ATP11B: variants seen among roughly 807,000 people sequenced by gnomAD.
The protein encoded by ATP11B is ATPase phospholipid transporting 11B (putative).
In ATP11B, 81 loss-of-function variants were observed where a neutral mutation model predicts 157.8. That is an observed-to-expected ratio of 0.51 (90% CI 0.43 to 0.62). The LOEUF (loss-of-function observed/expected upper bound fraction) is 0.62. Among genes scored for constraint, ATP11B ranks in the 20% least tolerant of loss-of-function variants. The probability of loss-of-function intolerance (pLI) is 0.00; values close to 1 mark genes in which losing one functional copy is unlikely to be tolerated. For synonymous variants in ATP11B, 451 were observed against 469.4 expected (o/e 0.96, Z 0.51); for missense variants, 1,165 against 1,402.2 (o/e 0.83, Z 2.70).
chr3:182,868,462 T>C (rs929100036), intron 15 of ATP11B, among the ~76,000 whole-genome samples: 5 of 151,780 alleles, frequency 3.3e-5, no homozygotes, highest in Admixed American at 6.6e-5. Flanking sequence ...AGATTTCATA[T>C]GTAAATCACT....
Position 182,841,958 on chromosome 3 carries a change from G to T in ATP11B, c.657-117G>T, listed in dbSNP as rs1036332943. ...CGCACCACTGCACTCCAGCCTAGGC[G>T]ACAGAGCAAGACTCGTCTCAAAAAA... On this transcript the variant is annotated intron_variant, in intron 7 of 29. Transcript: ENST00000323116. 4 of 580,618 alleles carry T rather than the reference G, an allele frequency of 6.9e-6. No individual in the cohort carries two copies. The African/African-American group carries it at 9.4e-5, about 14-fold the overall frequency. The allele number at this position is 580,618 out of a possible 1,614,324, so 36.0% of individuals were successfully genotyped here. A position where few individuals can be genotyped will look rare whatever the true frequency, so the allele number is the denominator to read the frequency against.
chr3:182,913,124 T>C (rs975905171), intron 28 of ATP11B, among the ~76,000 whole-genome samples: 5 of 152,184 alleles, frequency 3.3e-5, no homozygotes, highest in African/African-American at 1.2e-4. Flanking sequence ...CAGTTTCAAA[T>C]CTTGATAGTA....
chr3:182,884,718 A>G (rs1345243607), intron 21 of ATP11B, 35 bp from the exon 22 acceptor site: 1 of 1,559,738 alleles, frequency 6.4e-7, no homozygotes, highest in South Asian at 1.3e-5. Flanking sequence ...AATTACAGTT[A>G]TCAGTGAACA....
chr3:182,852,354 GA>G (rs369504851), intron 10 of ATP11B, among the ~76,000 whole-genome samples: 1 of 152,070 alleles, frequency 6.6e-6, no homozygotes, highest in Non-Finnish European at 1.5e-5. Flanking sequence ...TGGTATAAGA[GA>G]AAAAAACTAA....
At chr3:182,822,669 T>C (rs1212684188) in intron 2 of ATP11B, among the ~76,000 whole-genome samples, 1 of 152,238 alleles carries the variant, frequency 6.6e-6, no homozygotes, top group Non-Finnish European at 1.5e-5. Flanking sequence ...TATTTCTAGT[T>C]CTAGATGCTT....
rs1008010192 is a variant in ATP11B, at chr3:182,870,711, C to T, written c.1866+1380C>T. 1.3e-5 allele frequency among the ~76,000 whole-genome samples: 2 copies of T among 151,966 alleles called. 1 individual carries two copies. Among genetic ancestry groups the T allele is most frequent in the Non-Finnish European group, 2.9e-5 (2 of 67,988 alleles). On this transcript the variant is annotated intron_variant, in intron 17 of 29. Coordinates refer to ENST00000323116, the MANE Select transcript of ATP11B (RefSeq NM_014616.3). ...AAATAGGGCTGGGCGCGGTGGCTCA[C>T]ACCTGTAATCCCAGCACTTTGGGAG...
chr3:182,814,735 G>A (rs1342962512), intron 1 of ATP11B, among the ~76,000 whole-genome samples: 1 of 152,124 alleles, frequency 6.6e-6, no homozygotes, highest in African/African-American at 2.4e-5. Context: ...TTGAGCCTGG[G>A]AAGTCAAGAG....
intron 2 of ATP11B, 39 bp downstream of exon 2, chr3:182,820,415 G>A: frequency 6.7e-6 from 9 of 1,346,452 alleles, no homozygotes; most frequent in Non-Finnish European, 9.6e-6. Flanking sequence ...CAGGTGCAGT[G>A]GCTCATACCC....
At chr3:182,892,256 G>C (rs1042882803) in intron 25 of ATP11B, among the ~76,000 whole-genome samples, 1 of 152,136 alleles carries the variant, frequency 6.6e-6, no homozygotes, top group Non-Finnish European at 1.5e-5. Flanking sequence ...CGCCTTTCCT[G>C]TTGGTCCAGC....
chr3:182,897,361 T>C lies in ATP11B; in HGVS notation c.3107T>C (p.Ile1036Thr). The C allele has an allele frequency of 6.3e-7, 1 of 1,592,884 alleles. No individual in the cohort carries two copies. Among genetic ancestry groups the C allele is most frequent in the Non-Finnish European group, 8.5e-7 (1 of 1,173,822 alleles). Reference sequence around the variant, plus strand: ...AACCATCTCGTTACCTGGGGATCTATTATATTTTATTTTGTATTTTCCTTG... The same window carrying C: ...AACCATCTCGTTACCTGGGGATCTACTATATTTTATTTTGTATTTTCCTTG... ...WINHLVTWGS[I>T]IFYFVFSLFY... Residue 1036 changes from isoleucine to threonine, a missense_variant, in exon 27 of 30, where the codon ATT becomes ACT. Ile to Thr is a moderately conservative substitution (Grantham distance 89, BLOSUM62 -1). Transcript: ENST00000323116.
chr3:182,916,906 T>TA, intron 29 of ATP11B: 2 of 982,446 alleles, frequency 2.0e-6, no homozygotes, highest in Non-Finnish European at 2.4e-6. Flanking sequence ...TGTAAATACT[T>TA]ACTCTTTAAG....
In ATP11B at chr3:182,913,748, A is replaced by G. The variant is rs1724955902; in HGVS notation, c.3319-113A>G. 49 of 1,536,584 alleles carry G rather than the reference A, an allele frequency of 3.2e-5. No homozygotes were observed. In the South Asian group the frequency reaches 5.3e-4, roughly 17 times the overall value. Reference sequence around the variant, plus strand: ...TATGTTTCCCATATTATAGAAAAACATGTAGGTTTATATATGTTACCTTTG... The same window carrying G: ...TATGTTTCCCATATTATAGAAAAACGTGTAGGTTTATATATGTTACCTTTG... On this transcript the variant is annotated intron_variant, in intron 28 of 29. Transcript: ENST00000323116.
intron 10 of ATP11B, among the ~76,000 whole-genome samples, chr3:182,857,340 G>A (rs1720482291): frequency 6.6e-6 from 1 of 152,044 alleles, no homozygotes; most frequent in East Asian, 1.9e-4. Flanking sequence ...GTAGAGATGG[G>A]GTTTCATCGT....
At chr3:182,877,498 C>T (rs1207004211) in intron 19 of ATP11B, among the ~76,000 whole-genome samples, 3 of 152,110 alleles carry the variant, frequency 2.0e-5, no homozygotes, top group African/African-American at 4.8e-5. Context: ...AAAAATTAGA[C>T]GTGTGTGGTG....
chr3:182,865,520 G>A lies in ATP11B; in HGVS notation c.1265G>A (p.Cys422Tyr), dbSNP rs189507277. 3 of 1,613,764 alleles carry A rather than the reference G, an allele frequency of 1.9e-6. No homozygotes were observed. The highest frequency in any genetic ancestry group is 2.2e-5 in the East Asian group (1 of 44,808). ...GAAAATGAGATGCAGTTTCGGGAAT[G>A]TTCAATTAATGGCATGAAATACCAA... is the stretch of plus-strand genomic sequence containing the variant. ...LTENEMQFRE[C>Y]SINGMKYQEI... The change falls in exon 13 of 30, where the codon TGT becomes TAT. Residue 422 changes from cysteine to tyrosine, a missense_variant. This residue lies in a region of ATP11B where 737 missense variants were observed against 930.5 expected (regional missense o/e 0.79). Transcript: ENST00000323116.
intron 28 of ATP11B, among the ~76,000 whole-genome samples, chr3:182,909,109 C>G (rs1724586115): frequency 6.6e-6 from 1 of 151,986 alleles, no homozygotes; most frequent in Non-Finnish European, 1.5e-5. Flanking sequence ...AGACATTTTT[C>G]TAAAATTTAT....
chr3:182,916,888 T>G (rs1364133766), intron 29 of ATP11B: 1 of 982,090 alleles, frequency 1.0e-6, no homozygotes, highest in African/African-American at 1.7e-5. Flanking sequence ...AAAAGCATAC[T>G]TGTCCCCTGT....
intron 4 of ATP11B, among the ~76,000 whole-genome samples, chr3:182,831,352 G>A (rs990157216): frequency 6.6e-6 from 1 of 152,052 alleles, no homozygotes; most frequent in Non-Finnish European, 1.5e-5. Context: ...CTGGACAATT[G>A]CATTCTTTTC....
intron 1 of ATP11B, among the ~76,000 whole-genome samples, chr3:182,807,778 A>G (rs1716412856): frequency 6.6e-6 from 1 of 152,180 alleles, no homozygotes; most frequent in Non-Finnish European, 1.5e-5. Flanking sequence ...TACTTATTCT[A>G]CATATTTTAC....
Sources: gnomAD v4.1 joint callset for allele counts (sites outside exome capture counted in the v4.1 genomes callset) on GRCh38, gnomAD v4.1.1 for gene constraint, gnomAD v4.1.1 regional missense constraint, MANE v1.5 for transcripts, NCBI Gene and HGNC (gene_info 2026-07-23, HGNC 2026-07-21) for gene names.